PLXDC1: variants seen among roughly 807,000 people sequenced by gnomAD.
The protein encoded by PLXDC1 is plexin domain containing 1.
PLXDC1 carries 39 observed loss-of-function variants against 61.3 expected under a neutral mutation model. The ratio of observed to expected loss-of-function variants is 0.64; its 90% CI spans 0.49 to 0.83. The LOEUF (loss-of-function observed/expected upper bound fraction) is 0.83. PLXDC1 is among the 40% of genes least tolerant of loss of function. The pLI is 0.00. For missense variants in PLXDC1, 596 were observed against 666.5 expected, an observed-to-expected ratio of 0.89 and a Z score of 1.17; for synonymous variants, 212 against 254.5, an observed-to-expected ratio of 0.83 and a Z score of 1.59.
At position 39,138,722 on chromosome 17, in the gene PLXDC1, CTT is replaced by C. The variant is rs72416084; in HGVS notation, c.255+930_255+931del. ...TTTTATGATTTTAGCACTATTTAAC[CTT>C]TTTTTTTTTTAACTGTCAGCACATA... On this transcript the variant is annotated intron_variant, in intron 2 of 13. Transcript: ENST00000315392. 7.9e-3 allele frequency among the ~76,000 whole-genome samples: 1,152 copies of C among 145,354 alleles called. 16 individuals carry two copies. The highest frequency in any genetic ancestry group is 0.027 in the African/African-American group (1,077 of 39,884).
intron 7 of PLXDC1, among the ~76,000 whole-genome samples, chr17:39,098,677 C>G (rs1910312829): frequency 6.6e-6 from 1 of 152,160 alleles, no homozygotes; most frequent in Admixed American, 6.5e-5. Context: ...CCGTGAATTC[C>G]ACTGCATGGC....
chr17:39,086,859 C>CAAAAAAAAAAAAAAAA (rs765774886), intron 8 of PLXDC1, among the ~76,000 whole-genome samples: 31 of 71,450 alleles, frequency 4.3e-4, no homozygotes, highest in Admixed American at 1.2e-3. Flanking sequence ...GAGACTGTCT[C>CAAAAAAAAAAAAAAAA]AAAAAAAAAA....
At chr17:39,137,045 T>A (rs1911776104) in intron 2 of PLXDC1, among the ~76,000 whole-genome samples, 1 of 151,914 alleles carries the variant, frequency 6.6e-6, no homozygotes. Context: ...ATTGAAACAG[T>A]CCCCCAACGT....
At chr17:39,117,433 C>T (rs1911010433) in intron 2 of PLXDC1, among the ~76,000 whole-genome samples, 1 of 152,162 alleles carries the variant, frequency 6.6e-6, no homozygotes, top group Admixed American at 6.5e-5. Flanking sequence ...GCAATGTCCA[C>T]TTGCCATCTG....
chr17:39,128,087 C>CTATGTATATATATATATA (rs1304464750), intron 2 of PLXDC1, among the ~76,000 whole-genome samples: 22 of 67,248 alleles, frequency 3.3e-4, no homozygotes, highest in African/African-American at 8.7e-4. Context: ...CTCTCTCTCT[C>CTATGTATATATATATATA]TCTCTATGTG....
intron 2 of PLXDC1, among the ~76,000 whole-genome samples, chr17:39,116,216 C>G (rs1394858402): frequency 6.6e-6 from 1 of 152,184 alleles, no homozygotes; most frequent in Admixed American, 6.5e-5. Context: ...TCTCTGAGAT[C>G]TTTAAGCAAC....
chr17:39,134,218 C>T (rs1911658796), intron 2 of PLXDC1, among the ~76,000 whole-genome samples: 1 of 149,240 alleles, frequency 6.7e-6, no homozygotes, highest in African/African-American at 2.5e-5. Flanking sequence ...CGTGCCACTG[C>T]ACTACAGCCT....
intron 11 of PLXDC1, among the ~76,000 whole-genome samples, chr17:39,074,892 C>G (rs1000707774): frequency 6.6e-6 from 1 of 152,198 alleles, no homozygotes; most frequent in African/African-American, 2.4e-5. Context: ...TAACCCTGGA[C>G]TCTGTCACCA....
chr17:39,091,958 C>CAAAAA (rs71141756), intron 7 of PLXDC1, among the ~76,000 whole-genome samples: 2 of 105,374 alleles, frequency 1.9e-5, no homozygotes, highest in East Asian at 2.8e-4. Context: ...GACTCTATCT[C>CAAAAA]AAAAAAAAAA....
intron 4 of PLXDC1, 64 bp downstream of exon 4, chr17:39,108,840 G>T: frequency 9.1e-7 from 1 of 1,096,092 alleles, no homozygotes; most frequent in Non-Finnish European, 1.4e-6. Context: ...CCACCCCTGG[G>T]AGGGCCCCTG....
chr17:39,072,377 T>G (rs1301245798), intron 12 of PLXDC1, 73 bp downstream of exon 12: 2 of 1,030,504 alleles, frequency 1.9e-6, no homozygotes, highest in Non-Finnish European at 3.0e-6. Flanking sequence ...CCCAGGCGAC[T>G]GCTGCACCCT....
chr17:39,119,167 C>T (rs909032288), intron 2 of PLXDC1, among the ~76,000 whole-genome samples: 4 of 152,096 alleles, frequency 2.6e-5, no homozygotes, highest in Non-Finnish European at 4.4e-5. Context: ...TGCACCCTCA[C>T]GATAATCCTT....
intron 2 of PLXDC1, among the ~76,000 whole-genome samples, chr17:39,110,525 T>C (rs994771974): frequency 6.6e-6 from 1 of 152,192 alleles, no homozygotes; most frequent in Non-Finnish European, 1.5e-5. Flanking sequence ...AAGCCCTTCC[T>C]GGAGCCGACC....
chr17:39,111,030 A>T (rs1047553118), intron 2 of PLXDC1, among the ~76,000 whole-genome samples: 1 of 152,038 alleles, frequency 6.6e-6, no homozygotes, highest in Non-Finnish European at 1.5e-5. Context: ...TGTCCTCGAG[A>T]CGAAAACCAA....
intron 7 of PLXDC1, among the ~76,000 whole-genome samples, chr17:39,091,445 A>G (rs1332776465): frequency 6.6e-6 from 1 of 152,006 alleles, no homozygotes; most frequent in Admixed American, 6.6e-5. Context: ...CTGGAGCCGG[A>G]TGGTTTAGAA....
At chr17:39,131,739 G>C (rs761357458) in intron 2 of PLXDC1, 5 of 152,252 alleles carry the variant, frequency 3.3e-5, no homozygotes, top group African/African-American at 1.2e-4. Context: ...AGAATCTTCC[G>C]GGATTGGCCT....
At chr17:39,111,180 A>T (rs1367757733) in intron 2 of PLXDC1, among the ~76,000 whole-genome samples, 1 of 151,838 alleles carries the variant, frequency 6.6e-6, no homozygotes, top group African/African-American at 2.4e-5. Flanking sequence ...TCAAGCCACC[A>T]ATGGTCACTC....
intron 7 of PLXDC1, among the ~76,000 whole-genome samples, chr17:39,089,972 T>A (rs902401975): frequency 6.6e-6 from 1 of 152,076 alleles, no homozygotes; most frequent in Non-Finnish European, 1.5e-5. Context: ...TAATATTTTG[T>A]ATTTTTGGTA....
intron 1 of PLXDC1, among the ~76,000 whole-genome samples, chr17:39,145,617 AGAG>A (rs1051368750): frequency 2.0e-5 from 3 of 152,108 alleles, no homozygotes; most frequent in African/African-American, 7.2e-5. Flanking sequence ...GCTGAGAAAA[AGAG>A]GAGAAGAGAA....
Sources: allele counts gnomAD v4.1 joint callset (sites outside exome capture counted in the v4.1 genomes callset), GRCh38; gene constraint gnomAD v4.1.1; transcripts MANE v1.5; gene names NCBI Gene and HGNC (gene_info 2026-07-23, HGNC 2026-07-21).